LRRC40: variants seen among roughly 807,000 people sequenced by gnomAD.
The protein encoded by LRRC40 is leucine-rich repeat-containing protein 40.
Under a neutral mutation model 72.8 loss-of-function variants are expected in LRRC40, and 76 were observed. That is an observed-to-expected ratio of 1.04 (90% CI 0.87 to 1.26). The LOEUF is 1.26. LRRC40 is among the 50% of genes most tolerant of loss of function. The probability of loss-of-function intolerance (pLI) is 0.00; values close to 1 mark genes in which losing one functional copy is unlikely to be tolerated. For missense variants in LRRC40, 684 were observed against 698.9 expected (o/e 0.98, Z 0.24); for synonymous variants, 243 against 254.2 (o/e 0.96, Z 0.42).
At chr1:70,199,154 A>G (rs1173135587) in intron 1 of LRRC40, among the ~76,000 whole-genome samples, 1 of 151,886 alleles carries the variant, frequency 6.6e-6, no homozygotes, top group Non-Finnish European at 1.5e-5. Flanking sequence ...TCCTGTCTCA[A>G]TCAATAAATA....
Position 70,178,900 on chromosome 1 carries a change from C to T in LRRC40, c.755G>A (p.Arg252Lys). 1 of 1,597,044 alleles carries T rather than the reference C, an allele frequency of 6.3e-7. No individual in the cohort carries two copies. Among genetic ancestry groups the T allele is most frequent in the Non-Finnish European group, 8.6e-7 (1 of 1,168,282 alleles). Residue 252 changes from arginine (R) to lysine (K), a missense_variant, in exon 6 of 15, where the codon AGG becomes AAG. Coordinates refer to ENST00000370952, the MANE Select transcript of LRRC40 (RefSeq NM_017768.5). ...MESLELLYLR[R>K]NKLRFLPEFP... is the part of the protein sequence containing the mutation. ...TTCTGGTAGAAAACGTAATTTATTC[C>T]TCCGCAAATAAAGCAATTCTAGTGA...
At chr1:70,167,244 A>AAAAAG (rs1553213529) in intron 9 of LRRC40, among the ~76,000 whole-genome samples, 3 of 151,432 alleles carry the variant, frequency 2.0e-5, no homozygotes, top group African/African-American at 7.3e-5. Flanking sequence ...AAAAAAAAAA[A>AAAAAG]AAAGAAAAAA....
chr1:70,148,480 T>C lies in LRRC40; in HGVS notation c.1703+7A>G. 6.3e-7 allele frequency: 1 copy of C among 1,599,350 alleles called. No individual in the cohort carries two copies. The highest frequency in any genetic ancestry group is 1.1e-5 in the South Asian group (1 of 90,012). ...AATGAAACAATGCAGTAGAATGGTG[T>C]AGTTACCTTAAGTTTACACAATTAC... On this transcript the variant is annotated splice_region_variant and intron_variant, in intron 14 of 14. Transcript: ENST00000370952.
At chr1:70,164,701 G>T (rs930058547) in intron 9 of LRRC40, among the ~76,000 whole-genome samples, 1 of 152,012 alleles carries the variant, frequency 6.6e-6, no homozygotes, top group African/African-American at 2.4e-5. Flanking sequence ...TTCTTACAAG[G>T]GTCTTTTTTT....
chr1:70,174,378 C>T (rs1668058638), intron 7 of LRRC40, among the ~76,000 whole-genome samples: 2 of 152,068 alleles, frequency 1.3e-5, no homozygotes, highest in African/African-American at 4.8e-5. Context: ...AGTACAGTCA[C>T]TTTCGAAAGT....
intron 9 of LRRC40, among the ~76,000 whole-genome samples, chr1:70,163,920 G>A (rs906790268): frequency 6.6e-6 from 1 of 152,150 alleles, no homozygotes; most frequent in African/African-American, 2.4e-5. Context: ...ACCACAAACT[G>A]GGTAACTTAT....
chr1:70,173,646 T>C lies in LRRC40; in HGVS notation c.1041A>G (p.Arg347=). 1 of 1,574,444 alleles carries C rather than the reference T, an allele frequency of 6.4e-7. No individual in the cohort carries two copies. Among genetic ancestry groups the C allele is most frequent in the Non-Finnish European group, 8.7e-7 (1 of 1,153,352 alleles). The part of the protein sequence containing the change: ...KFLALEGNPL[R]TIRREIISKG... ...CACTTATAATTTCTCTTCGAATTGT[T>C]CTCAAAGGATTTCCTTCTAATGCCA... is the stretch of plus-strand genomic sequence containing the variant. Residue 347 remains arginine (R), a synonymous_variant, in exon 8 of 15, where the codon AGA becomes AGG. Coordinates refer to ENST00000370952, the MANE Select transcript of LRRC40 (RefSeq NM_017768.5).
intron 1 of LRRC40, among the ~76,000 whole-genome samples, chr1:70,197,480 T>C (rs953282888): frequency 2.0e-5 from 3 of 152,042 alleles, no homozygotes; most frequent in African/African-American, 4.8e-5. Flanking sequence ...GGTCTCATTA[T>C]GTTGCCCAGA....
Position 70,145,723 on chromosome 1 carries a change from C to A in LRRC40, c.*77G>T. 1 of 742,406 alleles carries A rather than the reference C, an allele frequency of 1.3e-6. No individual in the cohort carries two copies. Among genetic ancestry groups the A allele is most frequent in the Non-Finnish European group, 2.3e-6 (1 of 438,836 alleles). 46.0% of individuals were successfully genotyped at this position (742,406 alleles called of 1,614,324 possible). ...ACAATAATCACCTTTTAAGATGATA[C>A]TAAAACAAATGTTACATCCTCCTTA... On this transcript the variant is annotated 3_prime_UTR_variant, in exon 15 of 15. Coordinates refer to ENST00000370952, the MANE Select transcript of LRRC40 (RefSeq NM_017768.5).
chr1:70,146,888 C>G (rs1667315360), intron 14 of LRRC40: 1 of 152,048 alleles, frequency 6.6e-6, no homozygotes, highest in South Asian at 2.1e-4. Flanking sequence ...TTAAGAGAGG[C>G]TTTTTTATTA....
intron 1 of LRRC40, among the ~76,000 whole-genome samples, chr1:70,200,928 T>C (rs1300028226): frequency 6.6e-6 from 1 of 152,174 alleles, no homozygotes; most frequent in South Asian, 2.1e-4. Flanking sequence ...TCCAAGCACT[T>C]TGGGAGACTG....
intron 1 of LRRC40, among the ~76,000 whole-genome samples, chr1:70,204,427 A>G (rs911789439): frequency 2.0e-5 from 3 of 152,196 alleles, no homozygotes; most frequent in Non-Finnish European, 4.4e-5. Flanking sequence ...GCAAGTTTAG[A>G]GAAAAATGTT....
chr1:70,187,246 A>C lies in LRRC40; in HGVS notation c.407+19T>G, dbSNP rs780817887. 7.8e-7 allele frequency: 1 copy of C among 1,284,782 alleles called. No homozygotes were observed. Among genetic ancestry groups the C allele is most frequent in the Non-Finnish European group, 1.1e-6 (1 of 887,288 alleles). 79.6% of individuals were successfully genotyped at this position (1,284,782 alleles called of 1,614,324 possible). A position where few individuals can be genotyped will look rare whatever the true frequency, so the allele number is the denominator to read the frequency against. On this transcript the variant is annotated intron_variant, in intron 3 of 14. Coordinates refer to ENST00000370952, the MANE Select transcript of LRRC40 (RefSeq NM_017768.5). The stretch of plus-strand genomic sequence containing the variant: ...CCATTATAAGGGCAATAATATAAGT[A>C]AATAAGCTTAATTTTTACCTGACAT...
At position 70,155,732 on chromosome 1, in the gene LRRC40, A is replaced by G. The variant is rs148417163; in HGVS notation, c.1285T>C (p.Ser429Pro). The change falls in exon 11 of 15, where the codon TCT (serine) becomes CCT (proline). Residue 429 changes from serine to proline, a missense_variant. By Grantham distance (74) the Ser-to-Pro change is moderately conservative. Transcript: ENST00000370952. ...FDAVKSNIVT[S>P]INFSKNQLCE... is the part of the protein sequence containing the mutation. ...AGTTGATTCTTACTGAAGTTAATAGAAGTGACGATGTTGCTTTTTACTGCA... is the reference window on the plus strand; with the variant it reads ...AGTTGATTCTTACTGAAGTTAATAGGAGTGACGATGTTGCTTTTTACTGCA... The G allele has an allele frequency of 1.3e-6, 2 of 1,581,114 alleles. No individual in the cohort carries two copies. Among genetic ancestry groups the G allele is most frequent in the African/African-American group, 1.3e-5 (1 of 74,362 alleles).
At chr1:70,149,485 G>A (rs1667411110) in intron 13 of LRRC40, among the ~76,000 whole-genome samples, 1 of 152,100 alleles carries the variant, frequency 6.6e-6, no homozygotes, top group Non-Finnish European at 1.5e-5. Context: ...CCCTTAATAG[G>A]CTCTTCTCTT....
intron 11 of LRRC40, among the ~76,000 whole-genome samples, chr1:70,153,072 G>T (rs1248936445): frequency 6.6e-6 from 1 of 152,068 alleles, no homozygotes; most frequent in African/African-American, 2.4e-5. Context: ...ACTAACAAAT[G>T]AAAGTTGGCT....
At chr1:70,187,363 C>A (rs764004518) in intron 2 of LRRC40, 25 bp from the exon 3 acceptor site, 12 of 1,150,588 alleles carry the variant, frequency 1.0e-5, no homozygotes, top group Non-Finnish European at 2.6e-6. Flanking sequence ...AAGACAAAGT[C>A]AATATTCTTA....
chr1:70,167,230 TA>T (rs376215808), intron 9 of LRRC40, among the ~76,000 whole-genome samples: 689 of 126,806 alleles, frequency 5.4e-3, no homozygotes, highest in Middle Eastern at 0.016. Context: ...TAAAAAGTGT[TA>T]AAAAAAAAAA....
At position 70,145,814 on chromosome 1, in the gene LRRC40, G is replaced by T. The variant is rs774826242; in HGVS notation, c.1795C>A (p.Arg599=). 2.5e-5 allele frequency: 40 copies of T among 1,589,388 alleles called. No homozygotes were observed. Among genetic ancestry groups the T allele is most frequent in the Non-Finnish European group, 3.4e-5 (39 of 1,158,884 alleles). The stretch of plus-strand genomic sequence containing the variant: ...GCAACTCCATGTTAAGTAGGAATTC[G>T]GTCTCTCAAATATTCAAGTATAGCA... ...TAAILEYLRD[R]IPT is the part of the protein sequence containing the mutation. Residue 599 remains arginine, a synonymous_variant, in exon 15 of 15, where the codon CGA becomes AGA. Coordinates refer to ENST00000370952, the MANE Select transcript of LRRC40 (RefSeq NM_017768.5).
Sources: gnomAD v4.1 joint callset for allele counts (sites outside exome capture counted in the v4.1 genomes callset) on GRCh38, gnomAD v4.1.1 for gene constraint, MANE v1.5 for transcripts, NCBI Gene and HGNC (gene_info 2026-07-23, HGNC 2026-07-21) for gene names.